Variants in WDR7 observed in about 807,000 individuals in gnomAD.
WDR7 encodes the protein WD repeat domain 7.
A neutral mutation model predicts 169.4 loss-of-function variants in WDR7; 46 were observed. The observed-to-expected ratio is 0.27, with a 90% CI of 0.21 to 0.35. The LOEUF is 0.35. Ranked by LOEUF, WDR7 falls within the 10% of genes least tolerant of loss-of-function variation. WDR7 has a pLI of 1.00. For missense variants in WDR7, 1,534 were observed against 1,859.3 expected, an observed-to-expected ratio of 0.83 and a Z score of 3.22; for synonymous variants, 612 against 666.8, an observed-to-expected ratio of 0.92 and a Z score of 1.27.
intron 26 of WDR7, among the ~76,000 whole-genome samples, chr18:57,014,929 G>A (rs1341039521): frequency 6.6e-6 from 1 of 152,102 alleles, no homozygotes; most frequent in Non-Finnish European, 1.5e-5. Flanking sequence ...TTAAAAGGCT[G>A]TCACACTAAG....
chr18:56,691,707 A>G lies in WDR7; in HGVS notation c.864-8A>G, dbSNP rs369915308. 6.2e-7 allele frequency: 1 copy of G among 1,603,060 alleles called. No homozygotes were observed. The highest frequency in any genetic ancestry group is 8.5e-7 in the Non-Finnish European group (1 of 1,176,702). ...TTTAATTGAATATTGTATTTTTCCCATATTCAGTTGCCTTCCAGCTAGTGA... is the reference window on the plus strand; with the variant it reads ...TTTAATTGAATATTGTATTTTTCCCGTATTCAGTTGCCTTCCAGCTAGTGA... On this transcript the variant is annotated splice_polypyrimidine_tract_variant and splice_region_variant and intron_variant, in intron 8 of 27. Coordinates refer to ENST00000254442, the MANE Select transcript of WDR7 (RefSeq NM_015285.3).
intron 25 of WDR7, among the ~76,000 whole-genome samples, chr18:56,940,316 G>A (rs150428030): frequency 6.6e-6 from 1 of 152,250 alleles, no homozygotes; most frequent in East Asian, 1.9e-4. Flanking sequence ...CTATGCAAAT[G>A]TATTTCAGCA....
At chr18:56,801,232 T>TTAA (rs1178285836) in intron 19 of WDR7, among the ~76,000 whole-genome samples, 11 of 152,362 alleles carry the variant, frequency 7.2e-5, no homozygotes, top group African/African-American at 2.4e-4. Context: ...TGCTAACTCA[T>TTAA]ACCATGTGAA....
rs371041943 is a variant in WDR7 at position 56,694,946 on chromosome 18, A to G, written c.1109-4A>G. On this transcript the variant is annotated splice_region_variant and splice_polypyrimidine_tract_variant and intron_variant, in intron 10 of 27. Coordinates refer to ENST00000254442, the MANE Select transcript of WDR7 (RefSeq NM_015285.3). ...TTCTTTTATACAAAACCAAACCTCT[A>G]CAGGGCTGGCAATGACAACTTCTAT... 1.2e-4 allele frequency: 198 copies of G among 1,612,056 alleles called. No individual in the cohort carries two copies. Among genetic ancestry groups the G allele is most frequent in the Non-Finnish European group, 1.5e-4 (175 of 1,178,532 alleles).
intron 26 of WDR7, among the ~76,000 whole-genome samples, chr18:57,015,808 G>A (rs954350106): frequency 4.6e-5 from 7 of 152,244 alleles, no homozygotes; most frequent in Non-Finnish European, 1.0e-4. Flanking sequence ...GAAGATGTGG[G>A]TATTTGCAGG....
At chr18:56,897,296 A>T (rs1243102291) in intron 21 of WDR7, among the ~76,000 whole-genome samples, 1 of 151,946 alleles carries the variant, frequency 6.6e-6, no homozygotes, top group African/African-American at 2.4e-5. Context: ...ACCTTTTCAC[A>T]TGTAACCCAG....
At chr18:56,681,412 C>G (rs771794313) in intron 4 of WDR7, 21 bp downstream of exon 4, 2 of 1,472,492 alleles carry the variant, frequency 1.4e-6, no homozygotes, top group Non-Finnish European at 9.2e-7. Flanking sequence ...ATTTCTGTGA[C>G]TCTAAGTACA....
At chr18:56,941,168 C>G (rs753288769) in intron 25 of WDR7, among the ~76,000 whole-genome samples, 6 of 152,084 alleles carry the variant, frequency 3.9e-5, no homozygotes, top group Non-Finnish European at 5.9e-5. Context: ...ATTATACAGA[C>G]AGATGATTCC....
intron 20 of WDR7, among the ~76,000 whole-genome samples, chr18:56,874,345 T>C (rs1383156564): frequency 6.6e-6 from 1 of 152,126 alleles, no homozygotes. Context: ...CTATCACAGA[T>C]TGGTGTCACA....
At chr18:56,711,823 T>C (rs1446733857) in intron 12 of WDR7, among the ~76,000 whole-genome samples, 2 of 152,210 alleles carry the variant, frequency 1.3e-5, no homozygotes, top group Non-Finnish European at 2.9e-5. Context: ...GTAGAATATT[T>C]AACGTGATAA....
intron 26 of WDR7, among the ~76,000 whole-genome samples, chr18:57,012,292 G>A (rs181389259): frequency 5.9e-5 from 9 of 152,274 alleles, no homozygotes; most frequent in Admixed American, 5.9e-4. Flanking sequence ...TATGTCCCAG[G>A]CAGTGCTGTC....
At chr18:57,020,105 C>A (rs976659503) in intron 26 of WDR7, among the ~76,000 whole-genome samples, 5 of 152,120 alleles carry the variant, frequency 3.3e-5, no homozygotes, top group Non-Finnish European at 5.9e-5. Context: ...TCAATGATAG[C>A]TATTTGGCAG....
At position 56,694,664 on chromosome 18, in the gene WDR7, G is replaced by C. The variant is rs1205339006; in HGVS notation, c.1012G>C (p.Glu338Gln). 2 of 1,612,930 alleles carry C rather than the reference G, an allele frequency of 1.2e-6. No homozygotes were observed. Among genetic ancestry groups the C allele is most frequent in the African/African-American group, 2.7e-5 (2 of 74,888 alleles). ...TACTCGGTTCTTCTATGGATGCAGAGAATATTTCCATAAACTGTTAATTCA... is the reference window on the plus strand; with the variant it reads ...TACTCGGTTCTTCTATGGATGCAGACAATATTTCCATAAACTGTTAATTCA... ...PVTRFFYGCR[E>Q]YFHKLLIQGD... Residue 338 changes from glutamate (E) to glutamine (Q), a missense_variant, in exon 10 of 28, where the codon GAA (glutamate) becomes CAA (glutamine). Coordinates refer to ENST00000254442, the MANE Select transcript of WDR7 (RefSeq NM_015285.3).
chr18:56,696,402 T>C lies in WDR7; in HGVS notation c.1518T>C (p.His506=), dbSNP rs779514869. ...IWDIFSGEMK[H]IFCVHGGEIT... is the part of the protein sequence containing the mutation. ...ACATATTTTCTGGAGAAATGAAACA[T>C]ATCTTCTGTGTTCATGGTGGTGAGA... The change falls in exon 12 of 28, where the codon CAT becomes CAC. Residue 506 remains histidine (H), a synonymous_variant. Coordinates refer to ENST00000254442, the MANE Select transcript of WDR7 (RefSeq NM_015285.3). 4 of 1,614,178 alleles carry C rather than the reference T, an allele frequency of 2.5e-6. No individual in the cohort carries two copies. The East Asian group carries it at 8.9e-5, about 36-fold the overall frequency.
chr18:56,894,156 C>T (rs1250672895), intron 21 of WDR7, among the ~76,000 whole-genome samples: 1 of 151,974 alleles, frequency 6.6e-6, no homozygotes, highest in Non-Finnish European at 1.5e-5. Context: ...TTCCTGTTAG[C>T]ATCAGGGTTG....
chr18:56,797,345 A>G, intron 19 of WDR7, among the ~76,000 whole-genome samples: 1 of 152,138 alleles, frequency 6.6e-6, no homozygotes, highest in East Asian at 1.9e-4. Context: ...TGTAAAAAGG[A>G]CAACAACAAC....
chr18:56,949,708 A>G (rs983799822), intron 25 of WDR7, among the ~76,000 whole-genome samples: 2 of 152,220 alleles, frequency 1.3e-5, no homozygotes, highest in Non-Finnish European at 2.9e-5. Context: ...TTACTGTTAT[A>G]TTAAATCCAC....
chr18:56,999,673 A>G (rs1234296767), intron 26 of WDR7, among the ~76,000 whole-genome samples: 1 of 152,154 alleles, frequency 6.6e-6, no homozygotes, highest in Non-Finnish European at 1.5e-5. Flanking sequence ...AGTAGAGAAA[A>G]CAACTAAGGA....
At chr18:56,889,804 A>C (rs1343043374) in intron 21 of WDR7, among the ~76,000 whole-genome samples, 1 of 152,180 alleles carries the variant, frequency 6.6e-6, no homozygotes, top group Non-Finnish European at 1.5e-5. Context: ...CATCTATTGA[A>C]GCTTTCATTT....
Sources: gnomAD v4.1 joint callset for allele counts (sites outside exome capture counted in the v4.1 genomes callset) on GRCh38, gnomAD v4.1.1 for gene constraint, MANE v1.5 for transcripts, NCBI Gene and HGNC (gene_info 2026-07-23, HGNC 2026-07-21) for gene names.